DLGAP1: variants seen among roughly 807,000 people sequenced by gnomAD.
DLGAP1 encodes DLG associated protein 1, also known as disks large-associated protein 1.
Under a neutral mutation model 90.8 loss-of-function variants are expected in DLGAP1, and 11 were observed. The ratio of observed to expected loss-of-function variants is 0.12; its 90% CI spans 0.08 to 0.20. The LOEUF (loss-of-function observed/expected upper bound fraction) is 0.20, where lower values mean the gene tolerates loss of function less well. Ranked by LOEUF, DLGAP1 falls within the 10% of genes least tolerant of loss-of-function variation. DLGAP1 has a pLI of 1.00. For missense variants in DLGAP1, 1,050 were observed against 1,333.8 expected (o/e 0.79, Z 3.31); for synonymous variants, 558 against 540.7 (o/e 1.03, Z -0.44).
chr18:4,203,853 G>A (rs2077660959), intron 1 of DLGAP1, among the ~76,000 whole-genome samples: 1 of 152,212 alleles, frequency 6.6e-6, no homozygotes, highest in Admixed American at 6.5e-5. Context: ...AACACAGGGT[G>A]CTTTGAGGCA....
chr18:3,805,945 T>C (rs529298451), intron 5 of DLGAP1, among the ~76,000 whole-genome samples: 14 of 152,378 alleles, frequency 9.2e-5, no homozygotes, highest in African/African-American at 3.4e-4. Context: ...CATTTCCTCC[T>C]GGTTTATAGA....
chr18:4,022,019 GA>G (rs1271852043), intron 2 of DLGAP1, among the ~76,000 whole-genome samples: 1 of 152,146 alleles, frequency 6.6e-6, no homozygotes, highest in Non-Finnish European at 1.5e-5. Context: ...CCCCTAGTGA[GA>G]AAGACTAATC....
At chr18:4,317,250 G>A (rs189201525) in intron 1 of DLGAP1, among the ~76,000 whole-genome samples, 27 of 152,208 alleles carry the variant, frequency 1.8e-4, no homozygotes, top group Non-Finnish European at 3.1e-4. Context: ...ATGTAGGGCC[G>A]TCACATCCTT....
rs187001227 is a variant in DLGAP1 at position 4,431,187 on chromosome 18, A to C, written c.-267+23819T>G. ...ATGAGAAGGCTCTGTAACAAGAGAC[A>C]AACCATTTGGAAAATTCTGCAGTTT... On this transcript the variant is annotated intron_variant, in intron 1 of 12. Coordinates refer to ENST00000315677, the MANE Select transcript of DLGAP1 (RefSeq NM_004746.4). 104 of 152,746 alleles carry C rather than the reference A, an allele frequency of 6.8e-4. No homozygotes were observed. In the East Asian group the frequency reaches 8.9e-3, roughly 13 times the overall value. The allele number at this position is 152,746 out of a possible 1,614,324, so 9.5% of individuals were successfully genotyped here. A position where few individuals can be genotyped will look rare whatever the true frequency, so the allele number is the denominator to read the frequency against.
At chr18:4,206,653 G>A (rs556295731) in intron 1 of DLGAP1, among the ~76,000 whole-genome samples, 2 of 152,310 alleles carry the variant, frequency 1.3e-5, no homozygotes, top group African/African-American at 4.8e-5. Flanking sequence ...AAAAGCCATA[G>A]TGTTCTATTT....
chr18:3,809,688 G>A (rs1016839083), intron 5 of DLGAP1, among the ~76,000 whole-genome samples: 1 of 152,166 alleles, frequency 6.6e-6, no homozygotes, highest in African/African-American at 2.4e-5. Flanking sequence ...AAGAGATGAA[G>A]TATTAAGACA....
At chr18:3,834,330 AG>A (rs1265640576) in intron 4 of DLGAP1, among the ~76,000 whole-genome samples, 26 of 147,094 alleles carry the variant, frequency 1.8e-4, no homozygotes, top group African/African-American at 5.2e-4. Flanking sequence ...AAAAAAAAAA[AG>A]ATTTATGTAA....
At chr18:4,015,457 G>A (rs890640424) in intron 2 of DLGAP1, among the ~76,000 whole-genome samples, 7 of 152,140 alleles carry the variant, frequency 4.6e-5, no homozygotes, top group Admixed American at 4.6e-4. Flanking sequence ...GGAAATTAAG[G>A]TAGTCTACTA....
intron 2 of DLGAP1, among the ~76,000 whole-genome samples, chr18:4,023,524 T>C (rs1235451248): frequency 6.6e-6 from 1 of 152,158 alleles, no homozygotes; most frequent in Non-Finnish European, 1.5e-5. Context: ...AATGTTATTA[T>C]TAACTTTATT....
chr18:4,108,882 A>T (rs1228786585), intron 2 of DLGAP1, among the ~76,000 whole-genome samples: 1 of 152,240 alleles, frequency 6.6e-6, no homozygotes, highest in Non-Finnish European at 1.5e-5. Context: ...TCTACCTCCA[A>T]ATAATGGAAG....
At position 4,012,621 on chromosome 18, in the gene DLGAP1, G is replaced by C. The variant is rs533656422; in HGVS notation, c.-158-7420C>G. Among the ~76,000 whole-genome samples, 6 of 152,304 alleles carry C rather than the reference G, an allele frequency of 3.9e-5. 1 individual carries two copies. Among genetic ancestry groups the C allele is most frequent in the African/African-American group, 1.2e-4 (5 of 41,552 alleles). ...ATTGCTGAGCAGCAGGCTGTCTGCT[G>C]TGGGTCCTTTAAACTGGTCTATGTA... On this transcript the variant is annotated intron_variant, in intron 2 of 12. Coordinates refer to ENST00000315677, the MANE Select transcript of DLGAP1 (RefSeq NM_004746.4).
intron 1 of DLGAP1, chr18:4,248,869 T>A (rs1276227634): frequency 6.6e-6 from 1 of 152,566 alleles, no homozygotes; most frequent in Non-Finnish European, 1.5e-5. Flanking sequence ...GCCGGCCACA[T>A]CCTTGTCCAT....
At chr18:4,196,258 T>C (rs936001876) in intron 1 of DLGAP1, among the ~76,000 whole-genome samples, 2 of 152,080 alleles carry the variant, frequency 1.3e-5, no homozygotes, top group African/African-American at 4.8e-5. Context: ...AAACAGGCCA[T>C]GGAGAAACGG....
intron 1 of DLGAP1, among the ~76,000 whole-genome samples, chr18:4,424,218 C>T (rs1351293873): frequency 5.9e-5 from 9 of 152,112 alleles, no homozygotes; most frequent in African/African-American, 1.7e-4. Context: ...TATGAATTTA[C>T]TGGGCATAGT....
intron 2 of DLGAP1, among the ~76,000 whole-genome samples, chr18:4,027,843 A>G (rs2149124630): frequency 6.6e-6 from 1 of 152,294 alleles, no homozygotes; most frequent in South Asian, 2.1e-4. Flanking sequence ...AGTGTTAGGG[A>G]GAGCTTGAGT....
intron 11 of DLGAP1, among the ~76,000 whole-genome samples, chr18:3,505,717 G>A (rs572859161): frequency 6.7e-6 from 1 of 149,894 alleles, no homozygotes; most frequent in Non-Finnish European, 1.5e-5. Flanking sequence ...AAATCTAAAC[G>A]CTTTCAGCAG....
chr18:4,265,332 C>A (rs1031208726), intron 1 of DLGAP1, among the ~76,000 whole-genome samples: 2 of 151,928 alleles, frequency 1.3e-5, no homozygotes, highest in Non-Finnish European at 2.9e-5. Flanking sequence ...CCACACCTGG[C>A]TAATTTTTTT....
In DLGAP1 at chr18:3,775,167, T is replaced by C. The variant is rs1483285362; in HGVS notation, c.1173-32655A>G. On this transcript the variant is annotated intron_variant, in intron 5 of 12. Coordinates refer to ENST00000315677, the MANE Select transcript of DLGAP1 (RefSeq NM_004746.4). This position sits in a 1 kb window ranked among gnomAD's most constrained non-coding sequence, Gnocchi z 4.9. ...CCCTAAAATAATACACACTTCCCCA[T>C]CTTTCTTTTTCCTTAAGAAGGGTAT... Among the ~76,000 whole-genome samples, 5 of 152,174 alleles carry C rather than the reference T, an allele frequency of 3.3e-5. No individual in the cohort carries two copies. Among genetic ancestry groups the C allele is most frequent in the African/African-American group, 1.2e-4 (5 of 41,440 alleles).
intron 4 of DLGAP1, among the ~76,000 whole-genome samples, chr18:3,826,778 C>T (rs754591134): frequency 4.6e-5 from 7 of 152,044 alleles, no homozygotes; most frequent in African/African-American, 1.2e-4. Context: ...AAGAGAATCA[C>T]GCAGGTTGCT....
Sources: allele counts gnomAD v4.1 joint callset (sites outside exome capture counted in the v4.1 genomes callset), GRCh38; gene constraint gnomAD v4.1.1; non-coding constraint Gnocchi (gnomAD v3.1); transcripts MANE v1.5; gene names NCBI Gene and HGNC (gene_info 2026-07-23, HGNC 2026-07-21).